The following SOX5 variants were observed in gnomAD, a reference collection of about 807,000 sequenced individuals.
The protein encoded by SOX5 is transcription factor SOX-5.
A neutral mutation model predicts 92.0 loss-of-function variants in SOX5; 9 were observed. That is an observed-to-expected ratio of 0.10 (90% CI 0.06 to 0.17). SOX5 has a LOEUF of 0.17. Ranked by LOEUF, SOX5 falls within the 10% of genes least tolerant of loss-of-function variation. The probability of loss-of-function intolerance (pLI) is 1.00; values close to 1 mark genes in which losing one functional copy is unlikely to be tolerated. For missense variants in SOX5, 642 were observed against 944.5 expected (o/e 0.68, Z 4.20); for synonymous variants, 344 against 336.3 (o/e 1.02, Z -0.25).
chr12:24,074,464 G>A (rs1018966802), intron 4 of SOX5, among the ~76,000 whole-genome samples: 2 of 151,424 alleles, frequency 1.3e-5, no homozygotes, highest in African/African-American at 4.9e-5. Flanking sequence ...GTTAAACATT[G>A]CTGTACATTT....
At chr12:24,522,897 C>T (rs530275934) in intron 1 of SOX5, among the ~76,000 whole-genome samples, 1 of 151,918 alleles carries the variant, frequency 6.6e-6, no homozygotes, top group African/African-American at 2.4e-5. Context: ...TAACATAGTA[C>T]TAGAAGCCTT....
chr12:24,229,861 T>C (rs888272231), intron 3 of SOX5, among the ~76,000 whole-genome samples: 19 of 152,196 alleles, frequency 1.2e-4, no homozygotes, highest in Non-Finnish European at 2.8e-4. Context: ...ATATTGTCTT[T>C]CTTTTTCATT....
At chr12:23,615,276 T>G (rs903873253) in intron 8 of SOX5, among the ~76,000 whole-genome samples, 1 of 152,172 alleles carries the variant, frequency 6.6e-6, no homozygotes, top group African/African-American at 2.4e-5. Flanking sequence ...TCTTTTGCTT[T>G]TTTTAAAAAA....
At chr12:24,415,101 C>G (rs1964794057) in intron 1 of SOX5, among the ~76,000 whole-genome samples, 2 of 152,156 alleles carry the variant, frequency 1.3e-5, no homozygotes, top group Admixed American at 1.3e-4. Context: ...TAAATCCCCC[C>G]CTGCTAATTT....
chr12:24,069,759 C>A (rs75624189), intron 4 of SOX5, among the ~76,000 whole-genome samples: 8 of 152,192 alleles, frequency 5.3e-5, no homozygotes, highest in African/African-American at 1.9e-4. Context: ...TTCAAGATTT[C>A]ATAACACGAG....
intron 6 of SOX5, among the ~76,000 whole-genome samples, chr12:23,719,820 T>C (rs1014516178): frequency 7.4e-6 from 1 of 134,364 alleles, no homozygotes; most frequent in African/African-American, 2.8e-5. Flanking sequence ...AACTGATGGA[T>C]AGTTATTTCT....
At chr12:23,913,603 G>A (rs1042901522) in intron 1 of SOX5, among the ~76,000 whole-genome samples, 1 of 151,906 alleles carries the variant, frequency 6.6e-6, no homozygotes, top group Non-Finnish European at 1.5e-5. Flanking sequence ...AGGTGTGGTG[G>A]CATCCACCTA....
intron 4 of SOX5, among the ~76,000 whole-genome samples, chr12:24,027,281 A>G (rs1569504509): frequency 6.6e-6 from 1 of 151,912 alleles, no homozygotes; most frequent in Non-Finnish European, 1.5e-5. Context: ...CACCATCTGT[A>G]TTAAAAACAA....
At chr12:24,262,409 C>G (rs1043842176) in intron 3 of SOX5, among the ~76,000 whole-genome samples, 1 of 152,176 alleles carries the variant, frequency 6.6e-6, no homozygotes, top group African/African-American at 2.4e-5. Flanking sequence ...ATCCCTCAAA[C>G]CACTTTTCCT....
chr12:24,550,867 C>T lies in SOX5; in HGVS notation c.-251+11462G>A, dbSNP rs529490091. On this transcript the variant is annotated intron_variant, in intron 1 of 4. Coordinates refer to the SOX5 transcript ENST00000446891. The stretch of plus-strand genomic sequence containing the variant: ...TGCAGGGCTTGAGCCATGAGACACG[C>T]ATTGATGTTAACATTACACTGCTTG... 1.3e-5 allele frequency among the ~76,000 whole-genome samples: 2 copies of T among 152,314 alleles called. 1 individual carries two copies.
intron 9 of SOX5, among the ~76,000 whole-genome samples, chr12:23,600,096 G>C (rs1953194990): frequency 6.6e-6 from 1 of 152,138 alleles, no homozygotes; most frequent in Admixed American, 6.5e-5. Context: ...CAACATTATT[G>C]TATATGTGAT....
At chr12:23,859,594 C>T (rs1363441103) in intron 2 of SOX5, among the ~76,000 whole-genome samples, 1 of 152,136 alleles carries the variant, frequency 6.6e-6, no homozygotes, top group African/African-American at 2.4e-5. Context: ...TGCTCCTCTG[C>T]CTTGTGATCT....
chr12:23,712,839 T>C (rs530736546), intron 6 of SOX5, among the ~76,000 whole-genome samples: 20 of 152,348 alleles, frequency 1.3e-4, no homozygotes, highest in African/African-American at 4.6e-4. Flanking sequence ...CATACACTCA[T>C]CCTTCTCTCT....
chr12:23,785,914 T>G (rs2095369278), intron 3 of SOX5, among the ~76,000 whole-genome samples: 1 of 152,098 alleles, frequency 6.6e-6, no homozygotes, highest in Non-Finnish European at 1.5e-5. Flanking sequence ...TTAAAAATTT[T>G]TTTCCTCTCA....
chr12:24,010,393 G>GT (rs1358308656), intron 4 of SOX5, among the ~76,000 whole-genome samples: 16 of 152,154 alleles, frequency 1.1e-4, no homozygotes, highest in Admixed American at 9.8e-4. Flanking sequence ...TGAAAAGGAA[G>GT]TAACTAGCAA....
intron 3 of SOX5, among the ~76,000 whole-genome samples, chr12:24,242,729 G>T (rs1937682981): frequency 6.6e-6 from 1 of 151,308 alleles, no homozygotes; most frequent in Non-Finnish European, 1.5e-5. Flanking sequence ...GTGGGGGTGG[G>T]TGCAGGGGGA....
intron 4 of SOX5, among the ~76,000 whole-genome samples, chr12:24,209,146 A>T (rs1958325353): frequency 6.6e-6 from 1 of 152,180 alleles, no homozygotes; most frequent in African/African-American, 2.4e-5. Flanking sequence ...AATGCAGAAG[A>T]AGTTGAAGGT....
At chr12:23,768,611 A>G (rs186720816) in intron 3 of SOX5, among the ~76,000 whole-genome samples, 12 of 152,326 alleles carry the variant, frequency 7.9e-5, no homozygotes, top group Non-Finnish European at 5.9e-5. Flanking sequence ...AAAGTGTTCC[A>G]ATAATAAGAG....
chr12:23,748,102 CTATAG>C (rs1357552981), intron 4 of SOX5, among the ~76,000 whole-genome samples: 1 of 151,834 alleles, frequency 6.6e-6, no homozygotes, highest in African/African-American at 2.4e-5. Context: ...AATTTTTATA[CTATAG>C]TAGTTAGCAT....
Sources: gnomAD v4.1 joint callset for allele counts (sites outside exome capture counted in the v4.1 genomes callset) on GRCh38, gnomAD v4.1.1 for gene constraint, MANE v1.5 for transcripts, NCBI Gene and HGNC (gene_info 2026-07-23, HGNC 2026-07-21) for gene names.